The following ITGA1 variants were observed in gnomAD, a reference collection of about 807,000 sequenced individuals.
ITGA1 encodes integrin subunit alpha 1, also known as integrin alpha-1.
In ITGA1, 85 loss-of-function variants were observed where a neutral mutation model predicts 145.9. The ratio of observed to expected loss-of-function variants is 0.58; its 90% CI spans 0.49 to 0.70. The LOEUF (loss-of-function observed/expected upper bound fraction) is 0.70, where lower values mean the gene tolerates loss of function less well. ITGA1 is among the 30% of genes least tolerant of loss of function. ITGA1 has a pLI of 0.00. For synonymous variants in ITGA1, 520 were observed against 495.3 expected, an observed-to-expected ratio of 1.05 and a Z score of -0.66; for missense variants, 1,351 against 1,418.7, an observed-to-expected ratio of 0.95 and a Z score of 0.77.
At chr5:52,791,498 C>T (rs1021460831) in intron 1 of ITGA1, among the ~76,000 whole-genome samples, 1 of 152,108 alleles carries the variant, frequency 6.6e-6, no homozygotes, top group Non-Finnish European at 1.5e-5. Flanking sequence ...CTCCTTTCCT[C>T]CCACCCTCTG....
At chr5:52,881,048 T>C (rs544485551) in intron 6 of ITGA1, among the ~76,000 whole-genome samples, 4 of 152,316 alleles carry the variant, frequency 2.6e-5, no homozygotes, top group South Asian at 4.1e-4. Context: ...CTGCCTGCGT[T>C]ATCCAATCTG....
rs1019298603 is a variant in ITGA1 at position 52,955,828 on chromosome 5, T to A, written c.*3377T>A. The A allele has an allele frequency of 6.6e-6, 1 of 152,208 alleles. No individual in the cohort carries two copies. Among genetic ancestry groups the A allele is most frequent in the Non-Finnish European group, 1.5e-5 (1 of 68,042 alleles). The allele number at this position is 152,208 out of a possible 1,614,324, so 9.4% of individuals were successfully genotyped here. ...ATTCATGGGCAATTTAATCTCTGAA[T>A]ATTTTCTGTGTCATAAGTGTGCTTG... On this transcript the variant is annotated 3_prime_UTR_variant, in exon 29 of 29. Transcript: ENST00000282588.
intron 1 of ITGA1, among the ~76,000 whole-genome samples, chr5:52,797,460 GA>G (rs1748366975): frequency 1.3e-5 from 2 of 150,190 alleles, no homozygotes; most frequent in Non-Finnish European, 3.0e-5. Context: ...AGGCTGGACA[GA>G]AGGAAAAAAA....
chr5:52,888,095 C>A, intron 8 of ITGA1, 130 bp downstream of exon 8: 1 of 894,808 alleles, frequency 1.1e-6, no homozygotes, highest in Non-Finnish European at 1.6e-6. Flanking sequence ...AAGGTAAGCC[C>A]TGGGAGGACA....
At chr5:52,814,706 C>T (rs1025918079) in intron 1 of ITGA1, among the ~76,000 whole-genome samples, 1 of 151,556 alleles carries the variant, frequency 6.6e-6, no homozygotes, top group East Asian at 1.9e-4. Context: ...GAGAATTAGT[C>T]CTCTGCACCT....
rs113434257 is a variant in ITGA1, at chr5:52,867,805, T to C, written c.624+1988T>C. Among the ~76,000 whole-genome samples the C allele has an allele frequency of 2.2e-3, 338 of 152,186 alleles. 2 individuals carry two copies. The highest frequency in any genetic ancestry group is 0.016 in the South Asian group (78 of 4,818). Reference sequence around the variant, plus strand: ...GGTCTTTCTGCTTGCTGATGGCAGATTAGAACACACACAGCTCTCTAATTG... The same window carrying C: ...GGTCTTTCTGCTTGCTGATGGCAGACTAGAACACACACAGCTCTCTAATTG... On this transcript the variant is annotated intron_variant, in intron 6 of 28. Coordinates refer to ENST00000282588, the MANE Select transcript of ITGA1 (RefSeq NM_181501.2).
chr5:52,927,764 C>CGGA (rs1424812378), intron 20 of ITGA1, 100 bp downstream of exon 20: 1 of 773,014 alleles, frequency 1.3e-6, no homozygotes, highest in Non-Finnish European at 2.1e-6. Flanking sequence ...TAGGATAATA[C>CGGA]GGATGAAAAA....
At position 52,943,990 on chromosome 5, in the gene ITGA1, T is replaced by G. The variant is rs2111906355; in HGVS notation, c.3286-953T>G. 1.3e-5 allele frequency among the ~76,000 whole-genome samples: 2 copies of G among 152,182 alleles called. 1 individual carries two copies. The highest frequency in any genetic ancestry group is 4.1e-4 in the South Asian group (2 of 4,826). ...AGACTGCGCTGTGCACATGCTCCTG[T>G]GGGGCAGTTAGGCAGGGACTCTGGG... On this transcript the variant is annotated intron_variant, in intron 26 of 28. Coordinates refer to ENST00000282588, the MANE Select transcript of ITGA1 (RefSeq NM_181501.2).
intron 9 of ITGA1, among the ~76,000 whole-genome samples, chr5:52,896,114 G>T (rs1579704260): frequency 6.6e-6 from 1 of 152,272 alleles, no homozygotes; most frequent in African/African-American, 2.4e-5. Context: ...GCTGCACAGT[G>T]GTTAGAGTGG....
At chr5:52,944,668 G>C (rs1303283981) in intron 26 of ITGA1, among the ~76,000 whole-genome samples, 1 of 152,060 alleles carries the variant, frequency 6.6e-6, no homozygotes, top group Non-Finnish European at 1.5e-5. Flanking sequence ...CAGAGTTTGA[G>C]GTTTGTTTTT....
intron 27 of ITGA1, among the ~76,000 whole-genome samples, chr5:52,945,853 G>A (rs1241448687): frequency 6.6e-6 from 1 of 152,028 alleles, no homozygotes; most frequent in African/African-American, 2.4e-5. Context: ...TCAAGAAAAA[G>A]GAAAATACAT....
At chr5:52,799,111 G>A (rs1351293552) in intron 1 of ITGA1, among the ~76,000 whole-genome samples, 1 of 152,164 alleles carries the variant, frequency 6.6e-6, no homozygotes, top group African/African-American at 2.4e-5. Flanking sequence ...AAAAGACAGT[G>A]AGAAGCTATG....
intron 1 of ITGA1, among the ~76,000 whole-genome samples, chr5:52,847,398 C>A (rs776651185): frequency 2.6e-5 from 4 of 152,104 alleles, no homozygotes; most frequent in Non-Finnish European, 5.9e-5. Context: ...ATTTAATCCA[C>A]TCACAATTTA....
chr5:52,851,255 A>G (rs1749427173), intron 2 of ITGA1, among the ~76,000 whole-genome samples: 1 of 152,156 alleles, frequency 6.6e-6, no homozygotes, highest in Non-Finnish European at 1.5e-5. Context: ...TTTTAGAAAA[A>G]TCTGATGTCA....
chr5:52,918,904 C>A lies in ITGA1; in HGVS notation c.2155+6C>A. ...AGACACGATTTATGAAGCTGGTAAG[C>A]AAAATAATTATAGCAAGTACTTTTG... On this transcript the variant is annotated splice_donor_region_variant and intron_variant, in intron 16 of 28. Coordinates refer to ENST00000282588, the MANE Select transcript of ITGA1 (RefSeq NM_181501.2). 1 of 1,584,434 alleles carries A rather than the reference C, an allele frequency of 6.3e-7. No homozygotes were observed. Among genetic ancestry groups the A allele is most frequent in the Non-Finnish European group, 8.6e-7 (1 of 1,168,318 alleles).
intron 1 of ITGA1, among the ~76,000 whole-genome samples, chr5:52,798,856 G>A (rs910577808): frequency 2.0e-5 from 3 of 152,110 alleles, no homozygotes; most frequent in African/African-American, 7.2e-5. Flanking sequence ...TTCCTTGTGG[G>A]CAAAATATGA....
At chr5:52,885,864 T>C (rs1750038366) in intron 7 of ITGA1, among the ~76,000 whole-genome samples, 1 of 152,254 alleles carries the variant, frequency 6.6e-6, no homozygotes, top group South Asian at 2.1e-4. Context: ...TAATTGGTAA[T>C]GTTTAAGTTT....
chr5:52,852,173 G>A (rs2111755979), intron 2 of ITGA1, among the ~76,000 whole-genome samples: 1 of 152,270 alleles, frequency 6.6e-6, no homozygotes, highest in African/African-American at 2.4e-5. Flanking sequence ...GTGTTGGTAA[G>A]TAAACAGGTC....
At chr5:52,919,083 T>C (rs1470938765) in intron 16 of ITGA1, among the ~76,000 whole-genome samples, 185 bp downstream of exon 16, 1 of 152,168 alleles carries the variant, frequency 6.6e-6, no homozygotes, top group Non-Finnish European at 1.5e-5. Flanking sequence ...TGGAACCCAG[T>C]CAATTCTGGA....
Sources: gnomAD v4.1 joint callset for allele counts (sites outside exome capture counted in the v4.1 genomes callset) on GRCh38, gnomAD v4.1.1 for gene constraint, MANE v1.5 for transcripts, NCBI Gene and HGNC (gene_info 2026-07-23, HGNC 2026-07-21) for gene names.